Variants in LRRK1 observed in about 807,000 individuals in gnomAD.
LRRK1 encodes leucine-rich repeat serine/threonine-protein kinase 1.
LRRK1 carries 113 observed loss-of-function variants against 209.1 expected under a neutral mutation model. That is an observed-to-expected ratio of 0.54 (90% CI 0.46 to 0.63). LRRK1 has a LOEUF of 0.63. Among genes scored for constraint, LRRK1 ranks in the 30% least tolerant of loss-of-function variants. The pLI is 0.00. For synonymous variants in LRRK1, 1,144 were observed against 1,099.7 expected, an observed-to-expected ratio of 1.04 and a Z score of -0.80; for missense variants, 2,284 against 2,632.2, an observed-to-expected ratio of 0.87 and a Z score of 2.89.
At chr15:100,947,226 G>A (rs2042558023) in intron 2 of LRRK1, among the ~76,000 whole-genome samples, 1 of 151,980 alleles carries the variant, frequency 6.6e-6, no homozygotes, top group Non-Finnish European at 1.5e-5. Context: ...CAAAGTGCTG[G>A]GATTACAGGT....
intron 3 of LRRK1, among the ~76,000 whole-genome samples, chr15:100,974,488 G>A (rs907392935): frequency 3.9e-5 from 6 of 152,186 alleles, no homozygotes; most frequent in African/African-American, 1.4e-4. Flanking sequence ...ATATGGTGAT[G>A]CAGCTGCTGC....
chr15:101,072,127 G>A lies in LRRK1; in HGVS notation c.*3279G>A, dbSNP rs541606376. ...AACTCACTTTGCTGAATGGAGGGTG[G>A]ATTAACGAGGGGGTAGTTGGAGGCT... On this transcript the variant is annotated 3_prime_UTR_variant, in exon 34 of 34. Coordinates refer to ENST00000388948, the MANE Select transcript of LRRK1 (RefSeq NM_024652.6). 6.6e-6 allele frequency: 1 copy of A among 152,300 alleles called. No individual in the cohort carries two copies. Among genetic ancestry groups the A allele is most frequent in the South Asian group, 2.1e-4 (1 of 4,822 alleles). The allele number at this position is 152,300 out of a possible 1,614,324, so 9.4% of individuals were successfully genotyped here. A position where few individuals can be genotyped will look rare whatever the true frequency, so the allele number is the denominator to read the frequency against.
chr15:100,940,228 T>G (rs1046070579), intron 2 of LRRK1, among the ~76,000 whole-genome samples: 1 of 152,210 alleles, frequency 6.6e-6, no homozygotes, highest in African/African-American at 2.4e-5. Flanking sequence ...TCTCATTTTG[T>G]TGTTGATCAG....
chr15:101,000,833 G>A (rs918325499), intron 6 of LRRK1, among the ~76,000 whole-genome samples: 9 of 152,164 alleles, frequency 5.9e-5, no homozygotes, highest in Non-Finnish European at 8.8e-5. Flanking sequence ...TCCGCAGTAC[G>A]GGGCGTTAGG....
chr15:101,065,643 G>A lies in LRRK1; in HGVS notation c.5206G>A (p.Val1736Ile). 1 of 1,614,150 alleles carries A rather than the reference G, an allele frequency of 6.2e-7. No individual in the cohort carries two copies. Among genetic ancestry groups the A allele is most frequent in the East Asian group, 2.2e-5 (1 of 44,882 alleles). Reference protein sequence around the residue: ...RLEPYMAPSMVTSVVCSSEGR... With the variant: ...RLEPYMAPSMITSVVCSSEGR... ...GGAGCCCTACATGGCCCCCTCCATG[G>A]TTACGTCAGTCGTGTGCAGCTCTGA... Residue 1736 changes from valine to isoleucine, a missense_variant, in exon 32 of 34, where the codon GTT (valine) becomes ATT (isoleucine). Physicochemically the swap from Val to Ile is conservative, Grantham distance 29. Around this residue, in one of 6 missense-constraint regions of LRRK1, gnomAD observed 643 missense variants for 695.9 expected, o/e 0.92. Transcript: ENST00000388948.
intron 21 of LRRK1, among the ~76,000 whole-genome samples, chr15:101,047,091 C>T (rs2035121624): frequency 6.6e-6 from 1 of 152,232 alleles, no homozygotes; most frequent in South Asian, 2.1e-4. Context: ...GTTTTGCGAA[C>T]CTCTGGCATA....
intron 20 of LRRK1, among the ~76,000 whole-genome samples, chr15:101,034,384 G>A (rs1462974435): frequency 3.3e-5 from 5 of 151,932 alleles, no homozygotes; most frequent in Non-Finnish European, 7.4e-5. Context: ...TTATAGTTTG[G>A]GGTCTTAAAT....
chr15:100,984,856 A>C (rs958571934), intron 4 of LRRK1, among the ~76,000 whole-genome samples: 1 of 152,092 alleles, frequency 6.6e-6, no homozygotes, highest in African/African-American at 2.4e-5. Flanking sequence ...GGCACACCCT[A>C]GCCATGGTCT....
chr15:100,980,740 C>T (rs1340685965), intron 3 of LRRK1, among the ~76,000 whole-genome samples: 1 of 151,990 alleles, frequency 6.6e-6, no homozygotes, highest in African/African-American at 2.4e-5. Flanking sequence ...ACTTTTACAG[C>T]ACTTAAAAAC....
In LRRK1 at chr15:101,078,096, C is replaced by G. The variant is rs1377212620; in HGVS notation, c.*9248C>G. On this transcript the variant is annotated 3_prime_UTR_variant, in exon 34 of 34. Coordinates refer to ENST00000388948, the MANE Select transcript of LRRK1 (RefSeq NM_024652.6). ...CCCCCACTGAGCACCTTGCCGCCCC[C>G]ACTCCTGCCCGCCAGAGAACAAACC... The G allele has an allele frequency of 1.3e-5, 2 of 153,332 alleles. No homozygotes were observed. Among genetic ancestry groups the G allele is most frequent in the Non-Finnish European group, 2.9e-5 (2 of 69,012 alleles). 9.5% of individuals were successfully genotyped at this position (153,332 alleles called of 1,614,324 possible).
chr15:100,984,545 C>G (rs1358388107), intron 4 of LRRK1, among the ~76,000 whole-genome samples: 1 of 140,238 alleles, frequency 7.1e-6, no homozygotes, highest in African/African-American at 2.6e-5. Context: ...CTATCTTTGC[C>G]TTTTCCAGAA....
intron 30 of LRRK1, 138 bp downstream of exon 30, chr15:101,061,426 A>T (rs761240096): frequency 1.6e-6 from 1 of 620,278 alleles, no homozygotes; most frequent in Non-Finnish European, 2.9e-6. Context: ...ATCCCCGTGC[A>T]GTCCCCAAGT....
chr15:101,029,741 G>T (rs1160792676), intron 20 of LRRK1, among the ~76,000 whole-genome samples: 1 of 152,126 alleles, frequency 6.6e-6, no homozygotes, highest in Non-Finnish European at 1.5e-5. Flanking sequence ...GGTGGTGCAT[G>T]CCTGTAATCC....
At chr15:100,951,966 A>T in intron 2 of LRRK1, among the ~76,000 whole-genome samples, 1 of 138,858 alleles carries the variant, frequency 7.2e-6, no homozygotes, top group Admixed American at 7.0e-5. Flanking sequence ...AAAAAAAAAA[A>T]TAATAATAAT....
Position 100,988,810 on chromosome 15 carries a change from T to A in LRRK1, c.610T>A (p.Ser204Thr). 6.3e-7 allele frequency: 1 copy of A among 1,595,272 alleles called. No individual in the cohort carries two copies. The highest frequency in any genetic ancestry group is 8.6e-7 in the Non-Finnish European group (1 of 1,167,284). The change falls in exon 5 of 34, where the codon TCA (serine) becomes ACA (threonine). Residue 204 changes from serine to threonine, a missense_variant. By Grantham distance (58) the Ser-to-Thr change is moderately conservative. Around this residue, in one of 6 missense-constraint regions of LRRK1, gnomAD observed 134 missense variants for 191.7 expected, o/e 0.70. Transcript: ENST00000388948. ...VRLPLYAAIK[S>T]GNEDIAIFLL... Reference sequence around the variant, plus strand: ...CTTGCCCCTGTATGCGGCCATCAAGTCAGGTGGGTTTCCCCACTACCCTGA... The same window carrying A: ...CTTGCCCCTGTATGCGGCCATCAAGACAGGTGGGTTTCCCCACTACCCTGA...
intron 2 of LRRK1, among the ~76,000 whole-genome samples, chr15:100,972,373 T>A (rs867535411): frequency 6.0e-4 from 83 of 139,454 alleles, no homozygotes; most frequent in South Asian, 7.2e-4. Context: ...AGTGTGTGTG[T>A]GTGTGTGTGT....
chr15:101,012,119 G>A lies in LRRK1; in HGVS notation c.1393G>A (p.Val465Ile). Residue 465 changes from valine to isoleucine, a missense_variant, in exon 10 of 34, where the codon GTT becomes ATT. This residue lies in a region of LRRK1 where 494 missense variants were observed against 522.1 expected (regional missense o/e 0.95). Transcript: ENST00000388948. ...VDFSENALKEVPLGLFQLDAL... is the reference protein window; with the variant it reads ...VDFSENALKEIPLGLFQLDAL... Reference sequence around the variant, plus strand: ...TTTCTCAGAAAACGCACTCAAAGAAGTTCCCCTGGGACTTTTCCAGCTTGA... The same window carrying A: ...TTTCTCAGAAAACGCACTCAAAGAAATTCCCCTGGGACTTTTCCAGCTTGA... The A allele has an allele frequency of 6.2e-7, 1 of 1,611,436 alleles. No homozygotes were observed. Among genetic ancestry groups the A allele is most frequent in the Non-Finnish European group, 8.5e-7 (1 of 1,179,304 alleles).
chr15:100,940,474 T>C (rs917368672), intron 2 of LRRK1, among the ~76,000 whole-genome samples: 3 of 152,226 alleles, frequency 2.0e-5, no homozygotes, highest in African/African-American at 7.2e-5. Flanking sequence ...CCTTGTCTTT[T>C]GGTGCTGCAT....
intron 20 of LRRK1, among the ~76,000 whole-genome samples, chr15:101,030,440 C>G (rs2034230734): frequency 6.6e-6 from 1 of 152,220 alleles, no homozygotes; most frequent in South Asian, 2.1e-4. Flanking sequence ...TCAGCAGGGC[C>G]CAGCCTCCAG....
Sources: gnomAD v4.1 joint callset for allele counts (sites outside exome capture counted in the v4.1 genomes callset) on GRCh38, gnomAD v4.1.1 for gene constraint, gnomAD v4.1.1 regional missense constraint, MANE v1.5 for transcripts, NCBI Gene and HGNC (gene_info 2026-07-23, HGNC 2026-07-21) for gene names.